DOCK3: variants seen among roughly 807,000 people sequenced by gnomAD.
DOCK3 encodes the protein dedicator of cytokinesis protein 3.
In DOCK3, 60 loss-of-function variants were observed where a neutral mutation model predicts 265.6. The ratio of observed to expected loss-of-function variants is 0.23; its 90% CI spans 0.18 to 0.28. The LOEUF (loss-of-function observed/expected upper bound fraction) is 0.28. DOCK3 is among the 10% of genes least tolerant of loss of function. The pLI is 1.00. For missense variants in DOCK3, 1,981 were observed against 2,594.3 expected (o/e 0.76, Z 5.14); for synonymous variants, 881 against 938.0 (o/e 0.94, Z 1.11).
At chr3:50,810,491 C>T (rs866545156) in intron 2 of DOCK3, among the ~76,000 whole-genome samples, 11 of 151,870 alleles carry the variant, frequency 7.2e-5, no homozygotes, top group Admixed American at 2.6e-4. Flanking sequence ...TGCAGTGAGC[C>T]GGTATTGCAC....
chr3:50,912,382 G>A (rs887747611), intron 4 of DOCK3, among the ~76,000 whole-genome samples: 1 of 152,056 alleles, frequency 6.6e-6, no homozygotes, highest in African/African-American at 2.4e-5. Flanking sequence ...TCTGTGCTGG[G>A]TCAGACCTGA....
Position 51,310,145 on chromosome 3 carries a change from C to T in DOCK3, c.2923-87C>T, listed in dbSNP as rs1056104812. 44 of 1,009,942 alleles carry T rather than the reference C, an allele frequency of 4.4e-5. 1 individual carries two copies. The South Asian group carries it at 6.1e-4, about 14-fold the overall frequency. 62.6% of individuals were successfully genotyped at this position (1,009,942 alleles called of 1,614,324 possible). ...CTAACTCACTGGTCCCACCCATTGT[C>T]ATGATCTAGTGGCGGCCAGGAGTGG... On this transcript the variant is annotated intron_variant, in intron 27 of 52. Coordinates refer to ENST00000266037, the MANE Select transcript of DOCK3 (RefSeq NM_004947.5).
At chr3:51,375,144 C>G (rs2088000991) in intron 50 of DOCK3, among the ~76,000 whole-genome samples, 1 of 152,184 alleles carries the variant, frequency 6.6e-6, no homozygotes, top group South Asian at 2.1e-4. Flanking sequence ...GCAGTCTGTC[C>G]CTGCCCTTCT....
chr3:51,373,029 T>C (rs1453673661), intron 49 of DOCK3, among the ~76,000 whole-genome samples: 1 of 152,226 alleles, frequency 6.6e-6, no homozygotes, highest in African/African-American at 2.4e-5. Flanking sequence ...CCTGAGGTTC[T>C]ACAAACAGGA....
chr3:50,880,070 T>C (rs1357124051), intron 3 of DOCK3, among the ~76,000 whole-genome samples: 1 of 152,196 alleles, frequency 6.6e-6, no homozygotes, highest in Non-Finnish European at 1.5e-5. Context: ...ATAAAGATGT[T>C]CTTTGAAACC....
chr3:51,191,486 C>T (rs1021119324), intron 12 of DOCK3, among the ~76,000 whole-genome samples: 1 of 152,128 alleles, frequency 6.6e-6, no homozygotes, highest in African/African-American at 2.4e-5. Context: ...TAAATCAGTT[C>T]CAGCACTGGG....
chr3:50,732,471 C>T (rs994693612), intron 1 of DOCK3, among the ~76,000 whole-genome samples: 2 of 152,128 alleles, frequency 1.3e-5, no homozygotes, highest in African/African-American at 2.4e-5. Flanking sequence ...TGGCGTGATA[C>T]GTAGCTCACA....
At chr3:50,801,295 A>G (rs1237306703) in intron 2 of DOCK3, among the ~76,000 whole-genome samples, 2 of 152,044 alleles carry the variant, frequency 1.3e-5, no homozygotes, top group East Asian at 1.9e-4. Context: ...CTGATTGGCT[A>G]ATTTAAAGAG....
intron 3 of DOCK3, among the ~76,000 whole-genome samples, chr3:50,874,236 T>G (rs1342406448): frequency 1.3e-5 from 2 of 152,010 alleles, no homozygotes; most frequent in African/African-American, 2.4e-5. Context: ...ATGTGATAGG[T>G]CACACCTGTA....
intron 5 of DOCK3, among the ~76,000 whole-genome samples, chr3:51,007,643 T>C (rs1279919524): frequency 3.9e-5 from 6 of 152,176 alleles, no homozygotes; most frequent in Non-Finnish European, 8.8e-5. Flanking sequence ...CATTTGTCAA[T>C]TTTGGCTTTT....
At chr3:51,239,565 T>G (rs201231131) in intron 21 of DOCK3, among the ~76,000 whole-genome samples, 6,027 of 145,736 alleles carry the variant, frequency 0.041, 274 homozygotes, top group African/African-American at 0.11. Flanking sequence ...GTTTTTTTTT[T>G]GTTTGTTTGT....
chr3:51,003,918 A>G (rs2078571987), intron 5 of DOCK3, among the ~76,000 whole-genome samples: 1 of 152,242 alleles, frequency 6.6e-6, no homozygotes, highest in Non-Finnish European at 1.5e-5. Context: ...AAGTAAAAAC[A>G]ACAAAACAGC....
At chr3:50,860,624 G>A (rs769609353) in intron 3 of DOCK3, among the ~76,000 whole-genome samples, 17 of 152,190 alleles carry the variant, frequency 1.1e-4, no homozygotes, top group Non-Finnish European at 2.1e-4. Context: ...CCATGTTTTG[G>A]TAGAGCAGAT....
chr3:50,947,867 T>C (rs1242404170), intron 5 of DOCK3, among the ~76,000 whole-genome samples: 1 of 150,166 alleles, frequency 6.7e-6, no homozygotes, highest in Non-Finnish European at 1.5e-5. Flanking sequence ...TTTCTTTTTT[T>C]TTTTTTTTTA....
chr3:51,111,610 AC>A (rs1476318883), intron 9 of DOCK3, among the ~76,000 whole-genome samples: 10 of 151,354 alleles, frequency 6.6e-5, no homozygotes, highest in African/African-American at 2.4e-4. Context: ...AAATATAAAA[AC>A]CCTGGAAGAC....
chr3:50,754,224 T>C (rs2040018564), intron 1 of DOCK3, among the ~76,000 whole-genome samples: 1 of 149,200 alleles, frequency 6.7e-6, no homozygotes, highest in Non-Finnish European at 1.5e-5. Context: ...TGTTTTCACT[T>C]ATAAGTAGGA....
intron 3 of DOCK3, among the ~76,000 whole-genome samples, chr3:50,847,934 T>A (rs2046168916): frequency 6.7e-6 from 1 of 150,314 alleles, no homozygotes; most frequent in South Asian, 2.1e-4. Flanking sequence ...GTTGTCTAAG[T>A]CTTTTCGTAG....
rs889220907 is a variant in DOCK3, at chr3:51,323,229, A to G, written c.3403-6909A>G. On this transcript the variant is annotated intron_variant, in intron 32 of 52. Transcript: ENST00000266037. The stretch of plus-strand genomic sequence containing the variant: ...AGCAAATTCTTAGAGAACTACAAAG[A>G]TACTTAGACTCCCACACAATAATAG... Among the ~76,000 whole-genome samples the G allele has an allele frequency of 3.3e-5, 5 of 152,154 alleles. No individual in the cohort carries two copies. In the East Asian group the frequency reaches 9.6e-4, roughly 29 times the overall value.
chr3:51,214,423 AG>A (rs1402330038), intron 14 of DOCK3, among the ~76,000 whole-genome samples, 176 bp downstream of exon 14: 1 of 152,172 alleles, frequency 6.6e-6, no homozygotes, highest in African/African-American at 2.4e-5. Context: ...TGGCTCTTAT[AG>A]GCATTTGTTC....
Sources: allele counts gnomAD v4.1 joint callset (sites outside exome capture counted in the v4.1 genomes callset), GRCh38; gene constraint gnomAD v4.1.1; transcripts MANE v1.5; gene names NCBI Gene and HGNC (gene_info 2026-07-23, HGNC 2026-07-21).